The following IGDCC3 variants were observed in gnomAD, a reference collection of about 807,000 sequenced individuals.
IGDCC3 encodes putative neuronal cell adhesion molecule.
Under a neutral mutation model 72.0 loss-of-function variants are expected in IGDCC3, and 47 were observed. The ratio of observed to expected loss-of-function variants is 0.65; its 90% CI spans 0.52 to 0.83. The LOEUF (loss-of-function observed/expected upper bound fraction) is 0.83, where lower values mean the gene tolerates loss of function less well. Ranked by LOEUF, IGDCC3 falls within the 40% of genes least tolerant of loss-of-function variation. The pLI, the probability that IGDCC3 is intolerant of heterozygous loss-of-function variation, is 0.00. For missense variants in IGDCC3, 1,038 were observed against 1,091.3 expected (o/e 0.95, Z 0.69); for synonymous variants, 477 against 472.8 (o/e 1.01, Z -0.11).
At chr15:65,354,267 T>A (rs192988422) in intron 2 of IGDCC3, among the ~76,000 whole-genome samples, 1 of 152,174 alleles carries the variant, frequency 6.6e-6, no homozygotes, top group Non-Finnish European at 1.5e-5. Flanking sequence ...TTTTCTTGAG[T>A]GAGATCAAAG....
Position 65,329,588 on chromosome 15 carries a change from C to G in IGDCC3, c.2007G>C (p.Leu669=). 1 of 1,613,196 alleles carries G rather than the reference C, an allele frequency of 6.2e-7. No homozygotes were observed. Residue 669 remains leucine (L), a synonymous_variant, in exon 13 of 14, where the codon CTG becomes CTC. Transcript: ENST00000327987. This position sits in a 1 kb window ranked among gnomAD's most constrained non-coding sequence, Gnocchi z 4.1. ...ACAGCTGGTTTTCCACATCTTTACACAGGAGGACCCTAAGGGTTAGCCAAG... is the reference window on the plus strand; with the variant it reads ...ACAGCTGGTTTTCCACATCTTTACAGAGGAGGACCCTAAGGGTTAGCCAAG... ...LLFGQRGRVL[L]CKDVENQLSP... is the part of the protein sequence containing the mutation.
At chr15:65,369,923 G>A (rs1242425796) in intron 2 of IGDCC3, among the ~76,000 whole-genome samples, 1 of 152,088 alleles carries the variant, frequency 6.6e-6, no homozygotes, top group Admixed American at 6.5e-5. Flanking sequence ...CACACACCAT[G>A]AGCCTTTTTG....
rs201058521 is a variant in IGDCC3, at chr15:65,329,089, C to G, written c.2265G>C (p.Gln755His). 12 of 1,611,366 alleles carry G rather than the reference C, an allele frequency of 7.4e-6. No homozygotes were observed. Among genetic ancestry groups the G allele is most frequent in the Non-Finnish European group, 1.0e-5 (12 of 1,179,156 alleles). The change falls in exon 14 of 14, where the codon CAG (glutamine) becomes CAC (histidine). Residue 755 changes from glutamine (Q) to histidine (H), a missense_variant. By Grantham distance (24) the Gln-to-His change is conservative. Transcript: ENST00000327987. The surrounding 1 kb of genome is among the most constrained non-coding windows in gnomAD (Gnocchi z 4.1). The part of the protein sequence containing the change: ...EETQLSVLPL[Q>H]GCGLMEGKTT... ...TCTTCCCCTCCATCAGGCCGCACCCCTGAAGTGGCAGCACGGAGAGCTGGG... is the reference window on the plus strand; with the variant it reads ...TCTTCCCCTCCATCAGGCCGCACCCGTGAAGTGGCAGCACGGAGAGCTGGG...
chr15:65,350,741 C>T (rs1378840205), intron 2 of IGDCC3, among the ~76,000 whole-genome samples: 2 of 152,236 alleles, frequency 1.3e-5, no homozygotes, highest in Non-Finnish European at 2.9e-5. Context: ...GGATTACAGG[C>T]ATGAGCCATG....
intron 4 of IGDCC3, 145 bp from the exon 5 acceptor site, chr15:65,335,010 G>T: frequency 9.7e-7 from 1 of 1,027,072 alleles, no homozygotes; most frequent in Non-Finnish European, 1.4e-6. Flanking sequence ...CAGGAGACCA[G>T]GACGTTCCAG....
intron 2 of IGDCC3, among the ~76,000 whole-genome samples, chr15:65,341,523 A>G (rs1210964383): frequency 1.3e-5 from 2 of 152,196 alleles, no homozygotes; most frequent in Non-Finnish European, 2.9e-5. Flanking sequence ...CATTGAGTGG[A>G]ATATTATTCG....
At chr15:65,360,015 A>G (rs757212394) in intron 2 of IGDCC3, among the ~76,000 whole-genome samples, 37 of 152,114 alleles carry the variant, frequency 2.4e-4, no homozygotes, top group Non-Finnish European at 3.2e-4. Context: ...CTCATCAGAT[A>G]CCAACTCTAG....
chr15:65,357,200 C>T (rs2091229450), intron 2 of IGDCC3, among the ~76,000 whole-genome samples: 1 of 152,110 alleles, frequency 6.6e-6, no homozygotes. Context: ...TTTCTGGAAA[C>T]ATGGACTTCC....
chr15:65,373,509 C>T (rs2091340080), intron 2 of IGDCC3: 1 of 152,414 alleles, frequency 6.6e-6, no homozygotes, highest in African/African-American at 2.4e-5. Context: ...AGGGCTCCTG[C>T]CTCAAACTGA....
rs766472764 is a variant in IGDCC3, at chr15:65,356,848, C to CTTTTTTTTT, written c.409+18240_409+18248dup. 7.3e-4 allele frequency among the ~76,000 whole-genome samples: 52 copies of CTTTTTTTTT among 70,872 alleles called. 6 individuals are homozygous for CTTTTTTTTT. The highest frequency in any genetic ancestry group is 2.7e-3 in the African/African-American group (40 of 15,028). The allele number at this position is 70,872 out of a possible 152,430, so 46.5% of individuals were successfully genotyped here. A position where few individuals can be genotyped will look rare whatever the true frequency, so the allele number is the denominator to read the frequency against. ...GATGTGAGATTTGAGAATGGACCTG[C>CTTTTTTTTT]TTTTTTTTTTTTTTTTTTTGAGATG... On this transcript the variant is annotated intron_variant, in intron 2 of 13. Transcript: ENST00000327987.
At position 65,328,652 on chromosome 15, in the gene IGDCC3, T is replaced by C. The variant is rs1050136092; in HGVS notation, c.*257A>G. ...TTAGTTCAGTTCCAAGTCATGTGGG[T>C]ACCAGGCAGAGGCAAGGGGGCGTCA... is the stretch of plus-strand genomic sequence containing the variant. On this transcript the variant is annotated 3_prime_UTR_variant, in exon 14 of 14. Coordinates refer to ENST00000327987, the MANE Select transcript of IGDCC3 (RefSeq NM_004884.4). The C allele has an allele frequency of 2.6e-6, 1 of 386,294 alleles. No homozygotes were observed. Among genetic ancestry groups the C allele is most frequent in the Non-Finnish European group, 4.6e-6 (1 of 219,382 alleles). The allele number at this position is 386,294 out of a possible 1,614,324, so 23.9% of individuals were successfully genotyped here. A position where few individuals can be genotyped will look rare whatever the true frequency, so the allele number is the denominator to read the frequency against.
At chr15:65,354,863 C>T (rs537892289) in intron 2 of IGDCC3, among the ~76,000 whole-genome samples, 1 of 152,300 alleles carries the variant, frequency 6.6e-6, no homozygotes, top group South Asian at 2.1e-4. Flanking sequence ...CTCTCAAACT[C>T]GGCTGCAGAT....
intron 2 of IGDCC3, among the ~76,000 whole-genome samples, chr15:65,363,744 AC>A (rs1451430797): frequency 6.6e-6 from 1 of 152,108 alleles, no homozygotes; most frequent in East Asian, 1.9e-4. Flanking sequence ...GAATTTTCAA[AC>A]AAAGAGTAAT....
At position 65,361,288 on chromosome 15, in the gene IGDCC3, A is replaced by AAC. The variant is rs1234131737; in HGVS notation, c.409+13808_409+13809insGT. Among the ~76,000 whole-genome samples the AAC allele has an allele frequency of 1.1e-4, 17 of 151,214 alleles. No individual in the cohort carries two copies. In the South Asian group the frequency reaches 1.9e-3, roughly 17 times the overall value. On this transcript the variant is annotated intron_variant, in intron 2 of 13. Coordinates refer to ENST00000327987, the MANE Select transcript of IGDCC3 (RefSeq NM_004884.4). ...ACTAAAAATAATAATAATAATAAAA[A>AAC]AACATTAGCTGGGTGTGGTGGTGCA... is the stretch of plus-strand genomic sequence containing the variant.
intron 11 of IGDCC3, among the ~76,000 whole-genome samples, 153 bp from the exon 12 acceptor site, chr15:65,330,017 T>G (rs2090962430): frequency 6.6e-6 from 1 of 152,026 alleles, no homozygotes; most frequent in Admixed American, 6.5e-5. Context: ...TCCAGACCAA[T>G]CTTTTTGGTT....
At chr15:65,359,612 C>T (rs1326613051) in intron 2 of IGDCC3, among the ~76,000 whole-genome samples, 1 of 152,222 alleles carries the variant, frequency 6.6e-6, no homozygotes. Flanking sequence ...TCTCCATCCT[C>T]TCCCAAGTGG....
intron 2 of IGDCC3, among the ~76,000 whole-genome samples, chr15:65,373,154 G>T (rs766874732): frequency 6.6e-6 from 1 of 152,208 alleles, no homozygotes; most frequent in African/African-American, 2.4e-5. Flanking sequence ...TATCTCCCAG[G>T]ATTCTAGGCT....
intron 9 of IGDCC3, 115 bp from the exon 10 acceptor site, chr15:65,330,856 G>C: frequency 9.1e-7 from 1 of 1,097,176 alleles, no homozygotes; most frequent in South Asian, 1.6e-5. Flanking sequence ...CTCTGGCCAA[G>C]GGCATGTGCT....
In IGDCC3 at chr15:65,328,295, C is replaced by CTTTTTTTTT. The variant is rs1555429861; in HGVS notation, c.*605_*613dup. On this transcript the variant is annotated 3_prime_UTR_variant, in exon 14 of 14. Coordinates refer to ENST00000327987, the MANE Select transcript of IGDCC3 (RefSeq NM_004884.4). ...TTTCACACCTGGAAACGGGGAAGTG[C>CTTTTTTTTT]TTTTTTTTTTTTTTTTTTTTTTACT... 1 of 71,900 alleles carries CTTTTTTTTT rather than the reference C, an allele frequency of 1.4e-5. No individual in the cohort carries two copies. 4.5% of individuals were successfully genotyped at this position (71,900 alleles called of 1,614,324 possible).
Sources: allele counts gnomAD v4.1 joint callset (sites outside exome capture counted in the v4.1 genomes callset), GRCh38; gene constraint gnomAD v4.1.1; non-coding constraint Gnocchi (gnomAD v3.1); transcripts MANE v1.5; gene names NCBI Gene and HGNC (gene_info 2026-07-23, HGNC 2026-07-21).